The following CDH8 variants were observed in gnomAD, a reference collection of about 807,000 sequenced individuals.
CDH8 encodes cadherin 8.
CDH8 carries 17 observed loss-of-function variants against 68.1 expected under a neutral mutation model. That is an observed-to-expected ratio of 0.25 (90% CI 0.17 to 0.37). The LOEUF (loss-of-function observed/expected upper bound fraction) is 0.37, where lower values mean the gene tolerates loss of function less well. CDH8 is among the 10% of genes least tolerant of loss of function. CDH8 has a pLI of 1.00. For missense variants in CDH8, 763 were observed against 999.3 expected (o/e 0.76, Z 3.19); for synonymous variants, 372 against 365.1 (o/e 1.02, Z -0.21).
intron 10 of CDH8, among the ~76,000 whole-genome samples, chr16:61,673,032 C>T (rs1010326008): frequency 2.0e-5 from 3 of 152,064 alleles, no homozygotes; most frequent in Non-Finnish European, 4.4e-5. Flanking sequence ...TAGTTATGAA[C>T]CAAATTCTGA....
Position 61,820,956 on chromosome 16 carries a change from C to T in CDH8, c.993G>A (p.Gln331=), listed in dbSNP as rs775029800. The change falls in exon 6 of 12, where the codon CAG becomes CAA. Residue 331 remains glutamine, a synonymous_variant. Transcript: ENST00000577390. ...TALFEITSDA[Q]AQDGIIRLRK... ...TTAGCCTTATAATGCCATCCTGGGC[C>T]TGGGCATCAGAAGTGATTTCAAAAA... The T allele has an allele frequency of 1.7e-5, 27 of 1,612,358 alleles. No homozygotes were observed. The highest frequency in any genetic ancestry group is 1.5e-5 in the Non-Finnish European group (18 of 1,178,894).
chr16:61,689,179 T>C (rs1342582617), intron 10 of CDH8, among the ~76,000 whole-genome samples: 1 of 152,018 alleles, frequency 6.6e-6, no homozygotes. Context: ...ACTGTCCTTC[T>C]CTCTGTTACA....
chr16:61,792,875 G>A (rs1961411607), intron 7 of CDH8, among the ~76,000 whole-genome samples: 1 of 151,970 alleles, frequency 6.6e-6, no homozygotes. Context: ...CATATCATTT[G>A]TATCATGGTG....
chr16:61,668,376 C>T (rs182463343), intron 10 of CDH8, among the ~76,000 whole-genome samples: 4 of 151,970 alleles, frequency 2.6e-5, no homozygotes, highest in South Asian at 2.1e-4. Context: ...ACTCAAAATG[C>T]TCCACGCACC....
At chr16:61,678,432 C>G (rs1035826177) in intron 10 of CDH8, among the ~76,000 whole-genome samples, 2 of 152,056 alleles carry the variant, frequency 1.3e-5, no homozygotes, top group African/African-American at 4.8e-5. Context: ...TTTGCTCTAC[C>G]ACAGAATAGA....
chr16:61,748,798 T>C (rs1192793256), intron 8 of CDH8, among the ~76,000 whole-genome samples: 2 of 152,014 alleles, frequency 1.3e-5, no homozygotes, highest in Non-Finnish European at 2.9e-5. Context: ...ATCCTCAATA[T>C]GAAAATGAAA....
rs1426370937 is a variant in CDH8 at position 61,917,913 on chromosome 16, A to G, written c.253-16440T>C. On this transcript the variant is annotated intron_variant, in intron 2 of 11. Coordinates refer to ENST00000577390, the MANE Select transcript of CDH8 (RefSeq NM_001796.5). ...GCAGAACTCGTAGAATAGTCCATAG[A>G]CCCCTGGCGATCTCTAAGACTCTTC... Among the ~76,000 whole-genome samples the G allele has an allele frequency of 4.1e-5, 6 of 145,180 alleles. No homozygotes were observed. In the East Asian group the frequency reaches 1.3e-3, roughly 32 times the overall value.
At chr16:61,692,666 G>T (rs1443538098) in intron 10 of CDH8, 2 of 151,584 alleles carry the variant, frequency 1.3e-5, no homozygotes, top group Non-Finnish European at 2.9e-5. Context: ...ATTAATGAAA[G>T]TCTGTAGAAG....
chr16:61,819,599 A>G (rs1332082459), intron 6 of CDH8, among the ~76,000 whole-genome samples: 2 of 152,138 alleles, frequency 1.3e-5, no homozygotes, highest in Non-Finnish European at 2.9e-5. Flanking sequence ...AAATGTAGAC[A>G]TCTTTTTCAA....
At chr16:61,987,609 C>T (rs1311985168) in intron 2 of CDH8, among the ~76,000 whole-genome samples, 1 of 152,044 alleles carries the variant, frequency 6.6e-6, no homozygotes, top group Non-Finnish European at 1.5e-5. Flanking sequence ...AGAAGCTTAG[C>T]CAGTAGGTAG....
intron 4 of CDH8, among the ~76,000 whole-genome samples, chr16:61,852,897 T>TCCTTCCTTCCTTCCTTTCTTCCTTC (rs149266274): frequency 8.3e-6 from 1 of 121,208 alleles, no homozygotes; most frequent in Non-Finnish European, 1.7e-5. Context: ...TTCCTTCCAT[T>TCCTTCCTTCCTTCCTTTCTTCCTTC]CTTCCTTCCT....
intron 8 of CDH8, among the ~76,000 whole-genome samples, chr16:61,735,156 A>C (rs1309667011): frequency 1.3e-5 from 2 of 152,108 alleles, no homozygotes; most frequent in Non-Finnish European, 2.9e-5. Context: ...GTGATCTAGA[A>C]TAATCCCATC....
At chr16:61,812,586 G>A (rs1271071296) in intron 7 of CDH8, among the ~76,000 whole-genome samples, 29 of 150,878 alleles carry the variant, frequency 1.9e-4, no homozygotes, top group Non-Finnish European at 3.7e-4. Context: ...GTTTATGAAA[G>A]GAAAAAAAAA....
intron 8 of CDH8, among the ~76,000 whole-genome samples, chr16:61,760,390 C>A (rs893112087): frequency 1.3e-4 from 20 of 151,978 alleles, no homozygotes; most frequent in Admixed American, 7.9e-4. Flanking sequence ...CGGGTCACTG[C>A]AACCTCTGTC....
At chr16:61,746,782 C>T (rs558049812) in intron 8 of CDH8, among the ~76,000 whole-genome samples, 1 of 152,190 alleles carries the variant, frequency 6.6e-6, no homozygotes, top group African/African-American at 2.4e-5. Context: ...TTAGTTGATG[C>T]TCTGGCTACA....
intron 2 of CDH8, among the ~76,000 whole-genome samples, chr16:61,951,105 T>C (rs1200804026): frequency 6.6e-6 from 1 of 152,086 alleles, no homozygotes; most frequent in East Asian, 1.9e-4. Context: ...ATCATCATCA[T>C]CATCATCATC....
chr16:61,845,816 C>A (rs1468946426), intron 4 of CDH8, among the ~76,000 whole-genome samples: 1 of 152,054 alleles, frequency 6.6e-6, no homozygotes, highest in Non-Finnish European at 1.5e-5. Context: ...CAAAAACTGT[C>A]TTTTTCACTT....
chr16:61,900,356 T>C (rs895016603), intron 3 of CDH8, among the ~76,000 whole-genome samples: 2 of 152,170 alleles, frequency 1.3e-5, no homozygotes, highest in Admixed American at 6.5e-5. Flanking sequence ...GGATATGTAC[T>C]ACACATTTTA....
At position 61,652,454 on chromosome 16, in the gene CDH8, T is replaced by C. The variant is rs1389189612; in HGVS notation, c.*1154A>G. 7 of 986,188 alleles carry C rather than the reference T, an allele frequency of 7.1e-6. No individual in the cohort carries two copies. Among genetic ancestry groups the C allele is most frequent in the African/African-American group, 1.7e-5 (1 of 57,298 alleles). The allele number at this position is 986,188 out of a possible 1,614,324, so 61.1% of individuals were successfully genotyped here. A position where few individuals can be genotyped will look rare whatever the true frequency, so the allele number is the denominator to read the frequency against. On this transcript the variant is annotated 3_prime_UTR_variant, in exon 12 of 12. Coordinates refer to ENST00000577390, the MANE Select transcript of CDH8 (RefSeq NM_001796.5). ...TTGTGCTTGTAGTAAAAACACCAAA[T>C]ACTAGGATTATGAACAAAATAGAAA... is the stretch of plus-strand genomic sequence containing the variant.
Sources: gnomAD v4.1 joint callset for allele counts (sites outside exome capture counted in the v4.1 genomes callset) on GRCh38, gnomAD v4.1.1 for gene constraint, MANE v1.5 for transcripts, NCBI Gene and HGNC (gene_info 2026-07-23, HGNC 2026-07-21) for gene names.